MDGA2: variants seen among roughly 807,000 people sequenced by gnomAD.
The protein encoded by MDGA2 is MAM domain containing glycosylphosphatidylinositol anchor 2.
MDGA2 carries 40 observed loss-of-function variants against 117.8 expected under a neutral mutation model. The observed-to-expected ratio is 0.34, with a 90% CI of 0.26 to 0.44. MDGA2 has a LOEUF of 0.44. Ranked by LOEUF, MDGA2 falls within the 20% of genes least tolerant of loss-of-function variation. The probability of loss-of-function intolerance (pLI) is 1.00; values close to 1 mark genes in which losing one functional copy is unlikely to be tolerated. For missense variants in MDGA2, 1,123 were observed against 1,250.6 expected (o/e 0.90, Z 1.54); for synonymous variants, 452 against 439.0 (o/e 1.03, Z -0.37).
chr14:47,169,541 A>G (rs568441636), intron 3 of MDGA2, among the ~76,000 whole-genome samples: 30 of 152,074 alleles, frequency 2.0e-4, no homozygotes, highest in African/African-American at 7.0e-4. Flanking sequence ...GTAACCAGTA[A>G]TTTTGCTAAG....
intron 5 of MDGA2, among the ~76,000 whole-genome samples, chr14:47,105,577 G>C (rs867661599): frequency 1.3e-5 from 2 of 151,986 alleles, no homozygotes; most frequent in Non-Finnish European, 2.9e-5. Context: ...CTCGACAGTA[G>C]TTCCAAATAG....
chr14:46,946,039 A>C (rs1421971105), intron 9 of MDGA2, among the ~76,000 whole-genome samples: 1 of 152,144 alleles, frequency 6.6e-6, no homozygotes, highest in East Asian at 1.9e-4. Flanking sequence ...AGCACAAAGA[A>C]AAAAACAAAT....
At position 46,843,369 on chromosome 14, in the gene MDGA2, C is replaced by T. The variant is rs1217805289; in HGVS notation, c.2990-1350G>A. The stretch of plus-strand genomic sequence containing the variant: ...CTTACATTATGAAAATGTAAAATTT[C>T]TGTATATAGTTGTAACTGCCTTCAA... On this transcript the variant is annotated intron_variant, in intron 16 of 16. Coordinates refer to ENST00000399232, the MANE Select transcript of MDGA2 (RefSeq NM_001113498.3). Among the ~76,000 whole-genome samples, 5 of 151,966 alleles carry T rather than the reference C, an allele frequency of 3.3e-5. No individual in the cohort carries two copies. The South Asian group carries it at 8.3e-4, about 25-fold the overall frequency.
chr14:47,143,991 C>T, intron 4 of MDGA2, 87 bp downstream of exon 4: 1 of 1,012,716 alleles, frequency 9.9e-7, no homozygotes, highest in Middle Eastern at 2.6e-4. Context: ...GAGAAACTAT[C>T]TTTTCAAATA....
chr14:47,469,429 T>A (rs562369909), intron 1 of MDGA2, among the ~76,000 whole-genome samples: 3 of 152,274 alleles, frequency 2.0e-5, no homozygotes, highest in Admixed American at 1.3e-4. Context: ...CTTGCAATAG[T>A]TTGCTGAGAA....
At chr14:46,996,855 C>A in intron 8 of MDGA2, 1 of 258,628 alleles carries the variant, frequency 3.9e-6, no homozygotes, top group African/African-American at 2.3e-5. Context: ...ATGAGCTTTC[C>A]ACACATATTC....
chr14:47,559,273 G>C (rs1895748122), intron 1 of MDGA2, among the ~76,000 whole-genome samples: 1 of 152,102 alleles, frequency 6.6e-6, no homozygotes, highest in Non-Finnish European at 1.5e-5. Context: ...CCAGTAGTCT[G>C]TTGTTCCCTT....
At chr14:47,224,071 G>T (rs1414298840) in intron 2 of MDGA2, among the ~76,000 whole-genome samples, 1 of 151,862 alleles carries the variant, frequency 6.6e-6, no homozygotes, top group African/African-American at 2.4e-5. Context: ...ATTTGAGTGG[G>T]GACACAGACA....
At chr14:47,392,176 G>T (rs1891911457) in intron 1 of MDGA2, among the ~76,000 whole-genome samples, 1 of 152,100 alleles carries the variant, frequency 6.6e-6, no homozygotes. Context: ...TAAATAAATA[G>T]ATAAATAACA....
intron 10 of MDGA2, among the ~76,000 whole-genome samples, chr14:46,894,490 A>G (rs1883003175): frequency 6.6e-6 from 1 of 152,138 alleles, no homozygotes; most frequent in South Asian, 2.1e-4. Flanking sequence ...AGAGGAAGAT[A>G]ACAAATCTAG....
chr14:46,881,847 T>A (rs1187389092), intron 11 of MDGA2, among the ~76,000 whole-genome samples, 197 bp downstream of exon 11: 1 of 152,080 alleles, frequency 6.6e-6, no homozygotes, highest in Non-Finnish European at 1.5e-5. Context: ...TCTATATCTC[T>A]ACATTTGTAA....
Position 46,957,433 on chromosome 14 carries a change from A to G in MDGA2, c.2030T>C (p.Val677Ala). Residue 677 changes from valine (V) to alanine (A), a missense_variant, in exon 9 of 17, where the codon GTT becomes GCT. Coordinates refer to ENST00000399232, the MANE Select transcript of MDGA2 (RefSeq NM_001113498.3). ...TTCATTTATGATGCTACAGTTATAA[A>G]CCCCATAGTTTTCATTGGAAAGACT... ...VKSLSNENYG[V>A]YNCSIINEAG... The G allele has an allele frequency of 6.2e-7, 1 of 1,614,030 alleles. No homozygotes were observed. Among genetic ancestry groups the G allele is most frequent in the Non-Finnish European group, 8.5e-7 (1 of 1,179,984 alleles).
intron 1 of MDGA2, among the ~76,000 whole-genome samples, chr14:47,607,896 T>G (rs1297821075): frequency 6.6e-6 from 1 of 152,122 alleles, no homozygotes; most frequent in East Asian, 1.9e-4. Flanking sequence ...GGAAAAGTGT[T>G]CATAATATGA....
At chr14:47,271,188 C>T (rs187460537) in intron 2 of MDGA2, among the ~76,000 whole-genome samples, 1 of 152,192 alleles carries the variant, frequency 6.6e-6, no homozygotes, top group Admixed American at 6.5e-5. Context: ...CTCTACCTGC[C>T]TTTGCATTAG....
At chr14:47,361,995 A>C (rs1357946748) in intron 1 of MDGA2, among the ~76,000 whole-genome samples, 5 of 152,112 alleles carry the variant, frequency 3.3e-5, no homozygotes, top group African/African-American at 1.2e-4. Flanking sequence ...GTTTTGTTTT[A>C]ACATTATACT....
At chr14:46,928,171 C>T (rs1812509514) in intron 9 of MDGA2, among the ~76,000 whole-genome samples, 1 of 152,040 alleles carries the variant, frequency 6.6e-6, no homozygotes, top group African/African-American at 2.4e-5. Context: ...TCAAGTTAGT[C>T]TTCCTATTAT....
chr14:47,168,112 T>G (rs953679708), intron 3 of MDGA2, among the ~76,000 whole-genome samples: 1 of 152,112 alleles, frequency 6.6e-6, no homozygotes, highest in African/African-American at 2.4e-5. Context: ...GGAGTAGGTC[T>G]ACATCTCTTT....
intron 1 of MDGA2, among the ~76,000 whole-genome samples, chr14:47,323,149 GAT>G (rs58765297): frequency 0.016 from 1,699 of 106,596 alleles, 20 homozygotes; most frequent in Non-Finnish European, 0.021. Flanking sequence ...AAGAGTCATG[GAT>G]ATATATATAT....
At chr14:47,551,361 T>C (rs1271666018) in intron 1 of MDGA2, among the ~76,000 whole-genome samples, 1 of 152,168 alleles carries the variant, frequency 6.6e-6, no homozygotes, top group African/African-American at 2.4e-5. Flanking sequence ...ACACTTTTGC[T>C]TTCTATGCTT....
Sources: allele counts gnomAD v4.1 joint callset (sites outside exome capture counted in the v4.1 genomes callset), GRCh38; gene constraint gnomAD v4.1.1; transcripts MANE v1.5; gene names NCBI Gene and HGNC (gene_info 2026-07-23, HGNC 2026-07-21).